Variants in NR2C1 observed in about 807,000 individuals in gnomAD.
NR2C1 encodes TR2 nuclear hormone receptor.
NR2C1 carries 33 observed loss-of-function variants against 74.8 expected under a neutral mutation model. The ratio of observed to expected loss-of-function variants is 0.44; its 90% CI spans 0.33 to 0.59. NR2C1 has a LOEUF of 0.59. Ranked by LOEUF, NR2C1 falls within the 20% of genes least tolerant of loss-of-function variation. The pLI, the probability that NR2C1 is intolerant of heterozygous loss-of-function variation, is 0.02. For missense variants in NR2C1, 568 were observed against 715.6 expected (o/e 0.79, Z 2.35); for synonymous variants, 225 against 240.6 (o/e 0.94, Z 0.60).
chr12:95,065,949 CAA>C (rs35546696), intron 2 of NR2C1, among the ~76,000 whole-genome samples: 26 of 111,746 alleles, frequency 2.3e-4, no homozygotes, highest in Admixed American at 4.5e-4. Flanking sequence ...GACTTTGTCT[CAA>C]AAAAAAAAAA....
intron 9 of NR2C1, among the ~76,000 whole-genome samples, chr12:95,047,899 T>C (rs1269101260): frequency 1.3e-5 from 2 of 152,234 alleles, no homozygotes; most frequent in East Asian, 1.9e-4. Context: ...TCTGCATGTA[T>C]TGTTTCTGTC....
At position 95,037,894 on chromosome 12, in the gene NR2C1, C is replaced by CAA. The variant is rs988473049; in HGVS notation, c.1253+2580_1253+2581dup. On this transcript the variant is annotated intron_variant, in intron 10 of 13. Coordinates refer to ENST00000333003, the MANE Select transcript of NR2C1 (RefSeq NM_003297.4). ...TGGGCGACAGAGCGAGCCTCCATCT[C>CAA]AAAAAAAAAAAAAAAAAAAAAGGAA... Among the ~76,000 whole-genome samples, 536 of 66,864 alleles carry CAA rather than the reference C, an allele frequency of 8.0e-3. 12 individuals carry two copies. Among genetic ancestry groups the CAA allele is most frequent in the African/African-American group, 0.026 (442 of 16,764 alleles). 43.9% of individuals were successfully genotyped at this position (66,864 alleles called of 152,430 possible). A position where few individuals can be genotyped will look rare whatever the true frequency, so the allele number is the denominator to read the frequency against.
At chr12:95,041,074 A>G (rs2136126954) in intron 9 of NR2C1, among the ~76,000 whole-genome samples, 1 of 152,342 alleles carries the variant, frequency 6.6e-6, no homozygotes, top group Non-Finnish European at 1.5e-5. Context: ...TTATTCCCAG[A>G]TAAAGGACAC....
chr12:95,060,149 C>G (rs1386092430), intron 3 of NR2C1, among the ~76,000 whole-genome samples, 165 bp from the exon 4 acceptor site: 1 of 152,086 alleles, frequency 6.6e-6, no homozygotes, highest in East Asian at 1.9e-4. Flanking sequence ...AGCTCAGAAC[C>G]TTTCCACATG....
At chr12:95,028,633 AT>A (rs1464471447) in intron 11 of NR2C1, 109 bp from the exon 12 acceptor site, 89 of 806,294 alleles carry the variant, frequency 1.1e-4, no homozygotes, top group East Asian at 1.6e-4. Flanking sequence ...TAATTCTTAA[AT>A]TTTTTTTGAG....
At chr12:95,061,401 ACT>A (rs1874759685) in intron 3 of NR2C1, among the ~76,000 whole-genome samples, 1 of 152,138 alleles carries the variant, frequency 6.6e-6, no homozygotes, top group Non-Finnish European at 1.5e-5. Context: ...TAATATGGGA[ACT>A]CTGTTCTATA....
chr12:95,056,560 G>C (rs1309562182), intron 7 of NR2C1, among the ~76,000 whole-genome samples: 1 of 152,132 alleles, frequency 6.6e-6, no homozygotes, highest in Non-Finnish European at 1.5e-5. Context: ...ATGGAGGTGA[G>C]CTAAGAATTT....
chr12:95,065,977 T>C (rs1480189084), intron 2 of NR2C1, among the ~76,000 whole-genome samples: 3 of 151,950 alleles, frequency 2.0e-5, no homozygotes, highest in Non-Finnish European at 2.9e-5. Context: ...TTATTGACTA[T>C]AGTCCCTCTG....
At chr12:95,042,282 C>T (rs900130824) in intron 9 of NR2C1, among the ~76,000 whole-genome samples, 10 of 143,894 alleles carry the variant, frequency 6.9e-5, no homozygotes, top group Non-Finnish European at 1.3e-4. Flanking sequence ...AGTGCAGTGG[C>T]GTGATCTCAG....
chr12:95,026,377 A>G (rs1238613211), intron 12 of NR2C1, among the ~76,000 whole-genome samples: 1 of 152,158 alleles, frequency 6.6e-6, no homozygotes, highest in Non-Finnish European at 1.5e-5. Flanking sequence ...AAAAATCTAT[A>G]TAAGCATTTC....
chr12:95,025,658 TA>T (rs11291964), intron 12 of NR2C1, among the ~76,000 whole-genome samples: 14,565 of 86,382 alleles, frequency 0.17, 797 homozygotes, highest in South Asian at 0.19. Context: ...AACTCTGTCT[TA>T]AAAAAAAAAA....
intron 9 of NR2C1, among the ~76,000 whole-genome samples, chr12:95,046,963 T>C (rs781556000): frequency 6.6e-6 from 1 of 152,086 alleles, no homozygotes; most frequent in Non-Finnish European, 1.5e-5. Flanking sequence ...AAGACAAAGA[T>C]GGGAATGACA....
chr12:95,064,030 A>AG (rs1384621250), intron 2 of NR2C1, among the ~76,000 whole-genome samples: 1 of 146,070 alleles, frequency 6.8e-6, no homozygotes, highest in African/African-American at 2.6e-5. Context: ...TGCCTCAAAA[A>AG]AAAAAAAAAA....
chr12:95,062,432 TCTTCATGGCAGGG>T (rs1257540010), intron 3 of NR2C1, 63 bp downstream of exon 3: 1 of 937,204 alleles, frequency 1.1e-6, no homozygotes, highest in Non-Finnish European at 1.6e-6. Flanking sequence ...AGATCTAAAG[TCTTCATGGCAGGG>T]CTTATGATTA....
intron 10 of NR2C1, among the ~76,000 whole-genome samples, chr12:95,033,175 A>G (rs1182645364): frequency 6.6e-6 from 1 of 152,066 alleles, no homozygotes; most frequent in African/African-American, 2.4e-5. Flanking sequence ...TTGAGAAAGT[A>G]TATGCCAGGT....
At chr12:95,042,539 A>G (rs1406158307) in intron 9 of NR2C1, among the ~76,000 whole-genome samples, 1 of 152,018 alleles carries the variant, frequency 6.6e-6, no homozygotes, top group East Asian at 1.9e-4. Flanking sequence ...TATCTAAAAT[A>G]CCGCACCTGG....
At chr12:95,028,326 G>A in intron 12 of NR2C1, 61 bp downstream of exon 12, 1 of 1,389,254 alleles carries the variant, frequency 7.2e-7, no homozygotes, top group Non-Finnish European at 9.9e-7. Context: ...ACATATGAGG[G>A]CTTCTATTTC....
intron 1 of NR2C1, among the ~76,000 whole-genome samples, chr12:95,069,152 T>A (rs1338989409): frequency 6.6e-6 from 1 of 152,068 alleles, no homozygotes; most frequent in East Asian, 1.9e-4. Flanking sequence ...ACCACAAAAA[T>A]TAAAGTAATA....
chr12:95,022,506 G>T (rs1868877482), intron 13 of NR2C1, 103 bp from the exon 14 acceptor site: 5 of 946,106 alleles, frequency 5.3e-6, no homozygotes, highest in Admixed American at 4.6e-5. Flanking sequence ...ATTTAATAAA[G>T]ATAGCATTTT....
Sources: allele counts gnomAD v4.1 joint callset (sites outside exome capture counted in the v4.1 genomes callset), GRCh38; gene constraint gnomAD v4.1.1; transcripts MANE v1.5; gene names NCBI Gene and HGNC (gene_info 2026-07-23, HGNC 2026-07-21).